The following OCM variants were observed in gnomAD, a reference collection of about 807,000 sequenced individuals.
OCM encodes oncomodulin, also known as oncomodulin-1.
Under a neutral mutation model 14.1 loss-of-function variants are expected in OCM, and 18 were observed. That is an observed-to-expected ratio of 1.28 (90% confidence interval 0.88 to 1.89). The LOEUF is 1.89. Ranked by LOEUF, OCM falls within the 40% of genes most tolerant of loss-of-function variation. The probability of loss-of-function intolerance (pLI) is 0.00; values close to 1 mark genes in which losing one functional copy is unlikely to be tolerated. For missense variants in OCM, 140 were observed against 137.6 expected, an observed-to-expected ratio of 1.02 and a Z score of -0.09; for synonymous variants, 48 against 51.0, an observed-to-expected ratio of 0.94 and a Z score of 0.25.
At chr7:5,871,730 CTTTT>C in the OCM span, 1 of 152,034 alleles carries the variant, frequency 6.6e-6, no homozygotes, top group Admixed American at 6.6e-5. Flanking sequence ...CTTGGATTTC[CTTTT>C]TTCTTTCTTT....
At chr7:5,880,533 C>A (rs1159854405), upstream of OCM, among the ~76,000 whole-genome samples, 1 of 152,042 alleles carries the variant, frequency 6.6e-6, no homozygotes, top group African/African-American at 2.4e-5. Flanking sequence ...CCAAGGCAGG[C>A]AGATCACCTG....
chr7:5,864,472 G>A, the OCM span, among the ~76,000 whole-genome samples: 1 of 152,066 alleles, frequency 6.6e-6, no homozygotes, highest in Non-Finnish European at 1.5e-5. Context: ...ACGTTCTAGG[G>A]TTTTGATGCC....
At chr7:5,865,234 A>G in the OCM span, among the ~76,000 whole-genome samples, 3 of 152,190 alleles carry the variant, frequency 2.0e-5, no homozygotes, top group Non-Finnish European at 4.4e-5. Flanking sequence ...GATCTATTCT[A>G]ATGAGAACTT....
chr7:5,866,861 C>T, the OCM span, among the ~76,000 whole-genome samples: 1 of 152,138 alleles, frequency 6.6e-6, no homozygotes, highest in Non-Finnish European at 1.5e-5. Flanking sequence ...GTAACCCGCT[C>T]CCACAATTGT....
At chr7:5,881,556 G>A (rs1444219436) in intron 1 of OCM, among the ~76,000 whole-genome samples, 1 of 152,046 alleles carries the variant, frequency 6.6e-6, no homozygotes, top group Non-Finnish European at 1.5e-5. Flanking sequence ...CTGAAGCCCA[G>A]GAGGTTGAGG....
At chr7:5,877,819 C>CAAAAAA (rs535302724), upstream of OCM, among the ~76,000 whole-genome samples, 5 of 55,300 alleles carry the variant, frequency 9.0e-5, no homozygotes, top group African/African-American at 2.2e-4. Flanking sequence ...GACTCCATCT[C>CAAAAAA]AAAAAAAAAA....
At chr7:5,880,513 C>T (rs13308790), upstream of OCM, among the ~76,000 whole-genome samples, 1 of 152,134 alleles carries the variant, frequency 6.6e-6, no homozygotes, top group Non-Finnish European at 1.5e-5. Flanking sequence ...CATCCCAGCA[C>T]TTTGTGAGGC....
the OCM span, chr7:5,871,666 A>C: frequency 1.3e-5 from 2 of 152,114 alleles, no homozygotes; most frequent in East Asian, 1.9e-4. Context: ...GAAAGCCTGC[A>C]CACTTGATTG....
At chr7:5,867,862 G>A in the OCM span, among the ~76,000 whole-genome samples, 6 of 151,798 alleles carry the variant, frequency 4.0e-5, 1 homozygote, top group Admixed American at 3.9e-4. Flanking sequence ...CCTGGGCCCA[G>A]GTGATCCTCC....
the OCM span, among the ~76,000 whole-genome samples, chr7:5,868,645 C>T: frequency 6.6e-6 from 1 of 152,152 alleles, no homozygotes; most frequent in African/African-American, 2.4e-5. Flanking sequence ...TCTCCTGCAG[C>T]ATTTCAATAA....
the OCM span, among the ~76,000 whole-genome samples, chr7:5,863,144 G>A: frequency 2.0e-5 from 3 of 152,214 alleles, no homozygotes; most frequent in East Asian, 3.9e-4. Context: ...TTTATTGATC[G>A]CTAATCAGAG....
At chr7:5,860,476 T>TATTAC in the OCM span, among the ~76,000 whole-genome samples, 1 of 36,576 alleles carries the variant, frequency 2.7e-5, no homozygotes, top group Non-Finnish European at 4.3e-5. Context: ...TATATATACG[T>TATTAC]GTATATATAC....
intron 1 of OCM, among the ~76,000 whole-genome samples, chr7:5,881,485 C>T (rs865803992): frequency 5.3e-5 from 8 of 151,830 alleles, no homozygotes; most frequent in Non-Finnish European, 8.8e-5. Flanking sequence ...TAAAAACTAG[C>T]GGGGCATGGT....
At chr7:5,861,974 A>G in the OCM span, among the ~76,000 whole-genome samples, 2 of 152,128 alleles carry the variant, frequency 1.3e-5, no homozygotes, top group Non-Finnish European at 2.9e-5. Context: ...AACATTGCAC[A>G]CTACAGCCTC....
At chr7:5,877,819 C>CAAAAAAA (rs535302724), upstream of OCM, among the ~76,000 whole-genome samples, 5 of 55,300 alleles carry the variant, frequency 9.0e-5, no homozygotes, top group Admixed American at 3.0e-4. Context: ...GACTCCATCT[C>CAAAAAAA]AAAAAAAAAA....
At chr7:5,860,996 A>G in the OCM span, among the ~76,000 whole-genome samples, 1 of 152,060 alleles carries the variant, frequency 6.6e-6, no homozygotes, top group East Asian at 1.9e-4. Flanking sequence ...CTTCTTGGCA[A>G]GAAGTCCTCA....
chr7:5,866,183 G>T, the OCM span, among the ~76,000 whole-genome samples: 1 of 151,548 alleles, frequency 6.6e-6, no homozygotes, highest in Non-Finnish European at 1.5e-5. Context: ...TAATTAGCTG[G>T]TTCTGGTGGT....
chr7:5,880,858 C>T lies in OCM; in HGVS notation c.-32C>T. ...GCACATTCCTGTTTGTGGCTTATCGCCTCTCATTTATTCTGTGTGAGTAGG... is the reference window on the plus strand; with the variant it reads ...GCACATTCCTGTTTGTGGCTTATCGTCTCTCATTTATTCTGTGTGAGTAGG... On this transcript the variant is annotated 5_prime_UTR_variant, in exon 1 of 4. Transcript: ENST00000242104. The T allele has an allele frequency of 6.2e-7, 1 of 1,608,978 alleles. No individual in the cohort carries two copies. The highest frequency in any genetic ancestry group is 8.5e-7 in the Non-Finnish European group (1 of 1,175,432).
chr7:5,868,961 G>A, the OCM span, among the ~76,000 whole-genome samples: 1 of 152,110 alleles, frequency 6.6e-6, no homozygotes, highest in Non-Finnish European at 1.5e-5. Context: ...TACTTGGGAG[G>A]CTGAGATGGG....
Sources: gnomAD v4.1 joint callset for allele counts (sites outside exome capture counted in the v4.1 genomes callset) on GRCh38, gnomAD v4.1.1 for gene constraint, MANE v1.5 for transcripts, NCBI Gene and HGNC (gene_info 2026-07-23, HGNC 2026-07-21) for gene names.